Variants in SCN2A observed in about 807,000 individuals in gnomAD.
SCN2A encodes sodium voltage-gated channel alpha subunit 2.
In SCN2A, 20 loss-of-function variants were observed where a neutral mutation model predicts 188.7. That is an observed-to-expected ratio of 0.11 (90% CI 0.07 to 0.15). The LOEUF is 0.15. Ranked by LOEUF, SCN2A falls within the 10% of genes least tolerant of loss-of-function variation. SCN2A has a pLI of 1.00. For synonymous variants in SCN2A, 804 were observed against 833.1 expected (o/e 0.97, Z 0.60); for missense variants, 1,278 against 2,445.0 (o/e 0.52, Z 10.07).
intron 1 of SCN2A, among the ~76,000 whole-genome samples, chr2:165,278,575 T>TTAAGA (rs1290868879): frequency 6.6e-6 from 1 of 152,100 alleles, no homozygotes; most frequent in Non-Finnish European, 1.5e-5. Flanking sequence ...AGATTACCAT[T>TTAAGA]TAAGATGAGA....
intron 12 of SCN2A, among the ~76,000 whole-genome samples, 160 bp from the exon 13 acceptor site, chr2:165,326,692 A>G (rs1356233518): frequency 9.9e-5 from 15 of 152,190 alleles, no homozygotes; most frequent in Admixed American, 9.8e-4. Context: ...AGACTTTTAA[A>G]CAACCCCCAA....
intron 17 of SCN2A, among the ~76,000 whole-genome samples, chr2:165,359,296 A>G (rs948361578): frequency 6.6e-6 from 1 of 152,132 alleles, no homozygotes; most frequent in Non-Finnish European, 1.5e-5. Context: ...TTAATTCTTC[A>G]GAAAAGCATG....
intron 1 of SCN2A, among the ~76,000 whole-genome samples, chr2:165,252,061 A>G (rs1694120017): frequency 6.6e-6 from 1 of 152,106 alleles, no homozygotes; most frequent in African/African-American, 2.4e-5. Flanking sequence ...TGTGAAAGTA[A>G]TTAATATGCT....
chr2:165,251,000 A>G (rs1253828107), intron 1 of SCN2A, among the ~76,000 whole-genome samples: 1 of 152,128 alleles, frequency 6.6e-6, no homozygotes, highest in East Asian at 1.9e-4. Context: ...ATGATTTAAT[A>G]TAATATTAAA....
At chr2:165,309,805 A>AAATGAAAGAGC (rs1236279917) in intron 6 of SCN2A, among the ~76,000 whole-genome samples, 1 of 152,176 alleles carries the variant, frequency 6.6e-6, no homozygotes, top group Non-Finnish European at 1.5e-5. Context: ...AGCTGCAGAT[A>AAATGAAAGAGC]AATGAAAGAG....
intron 1 of SCN2A, among the ~76,000 whole-genome samples, chr2:165,240,259 T>A (rs916724245): frequency 2.6e-5 from 4 of 152,216 alleles, no homozygotes; most frequent in African/African-American, 7.2e-5. Flanking sequence ...GTGAGGAGTA[T>A]GCTGAACACA....
At chr2:165,255,407 A>G (rs1694269998) in intron 1 of SCN2A, among the ~76,000 whole-genome samples, 2 of 152,134 alleles carry the variant, frequency 1.3e-5, no homozygotes, top group South Asian at 4.1e-4. Flanking sequence ...CCAGTTTAAA[A>G]AAATGTACAT....
At chr2:165,262,834 C>T (rs1201188106) in intron 1 of SCN2A, among the ~76,000 whole-genome samples, 1 of 152,124 alleles carries the variant, frequency 6.6e-6, no homozygotes, top group Admixed American at 6.6e-5. Context: ...ACATTGTTTT[C>T]AGTAATGGTT....
At chr2:165,278,095 T>A (rs1237918917) in intron 1 of SCN2A, among the ~76,000 whole-genome samples, 1 of 152,204 alleles carries the variant, frequency 6.6e-6, no homozygotes, top group Non-Finnish European at 1.5e-5. Flanking sequence ...ACTGCTGTTG[T>A]CTTCTGGGTT....
At chr2:165,365,058 A>AG in intron 17 of SCN2A, 85 bp from the exon 18 acceptor site, 1 of 1,168,246 alleles carries the variant, frequency 8.6e-7, no homozygotes, top group Non-Finnish European at 1.2e-6. Context: ...CATACAGAAG[A>AG]TGGGGGGGGG....
In SCN2A at chr2:165,307,840, T is replaced by C. The variant is rs1697219522; in HGVS notation, c.387-8T>C. ...CATTGAACTTTGTCTTCCTTGACGA[T>C]ATTCTACTTTATTCAATATGCTCAT... On this transcript the variant is annotated splice_polypyrimidine_tract_variant and splice_region_variant and intron_variant, in intron 3 of 26. Coordinates refer to ENST00000375437, the MANE Select transcript of SCN2A (RefSeq NM_001040142.2). 6.3e-7 allele frequency: 1 copy of C among 1,589,714 alleles called. No homozygotes were observed. Among genetic ancestry groups the C allele is most frequent in the Admixed American group, 1.7e-5 (1 of 59,962 alleles).
chr2:165,366,797 A>G (rs1403120814), intron 18 of SCN2A, among the ~76,000 whole-genome samples: 4 of 152,086 alleles, frequency 2.6e-5, no homozygotes, highest in African/African-American at 9.7e-5. Context: ...TCTTTCACAA[A>G]TTTATTTACT....
intron 16 of SCN2A, among the ~76,000 whole-genome samples, chr2:165,352,916 T>G (rs1220355619): frequency 6.6e-6 from 1 of 152,174 alleles, no homozygotes; most frequent in Non-Finnish European, 1.5e-5. Flanking sequence ...CCTTTACTGC[T>G]ATATCTTTCT....
intron 1 of SCN2A, among the ~76,000 whole-genome samples, chr2:165,263,112 G>C (rs146363252): frequency 0.014 from 2,154 of 152,126 alleles, 47 homozygotes; most frequent in Admixed American, 0.075. Flanking sequence ...TGGCTGATTT[G>C]TTTGAGTTCA....
chr2:165,350,269 T>C (rs1699813999), intron 16 of SCN2A, among the ~76,000 whole-genome samples: 2 of 152,242 alleles, frequency 1.3e-5, no homozygotes, highest in South Asian at 4.1e-4. Flanking sequence ...AAGTTGGGAA[T>C]CAGGATGGAG....
chr2:165,379,725 T>C (rs940668741), intron 23 of SCN2A, among the ~76,000 whole-genome samples: 4 of 151,806 alleles, frequency 2.6e-5, no homozygotes, highest in Non-Finnish European at 5.9e-5. Flanking sequence ...TTTTGCTGTA[T>C]TTCCTTAGAA....
rs67417831 is a variant in SCN2A, at chr2:165,294,010, TA to T, written c.-51-1735del. 20,712 of 150,238 alleles carry T rather than the reference TA, an allele frequency of 0.14. 402 individuals carry two copies. Among genetic ancestry groups the T allele is most frequent in the Admixed American group, 0.18 (619 of 3,490 alleles). 9.3% of individuals were successfully genotyped at this position (150,238 alleles called of 1,614,324 possible). A position where few individuals can be genotyped will look rare whatever the true frequency, so the allele number is the denominator to read the frequency against. On this transcript the variant is annotated intron_variant, in intron 1 of 26. Transcript: ENST00000375437. Reference sequence around the variant, plus strand: ...TTAGGTGTGGTCTTTGAAGGAGAATTAAAAAAAAAAAAAAAAAAAAAAAAAA... The same window carrying T: ...TTAGGTGTGGTCTTTGAAGGAGAATTAAAAAAAAAAAAAAAAAAAAAAAAA...
In SCN2A at chr2:165,389,944, A is replaced by C. The variant is rs542783212; in HGVS notation, c.*120A>C. 6.1e-6 allele frequency: 9 copies of C among 1,486,762 alleles called. No homozygotes were observed. The highest frequency in any genetic ancestry group is 6.2e-6 in the Non-Finnish European group (7 of 1,120,442). 92.1% of individuals were successfully genotyped at this position (1,486,762 alleles called of 1,614,324 possible). ...CCAAACTGACTGTTTTTACAAATGT[A>C]TACTTAAGGTCAGTGCCTATAACAA... On this transcript the variant is annotated 3_prime_UTR_variant, in exon 27 of 27. Coordinates refer to ENST00000375437, the MANE Select transcript of SCN2A (RefSeq NM_001040142.2). This position sits in a 1 kb window ranked among gnomAD's most constrained non-coding sequence, Gnocchi z 4.2.
chr2:165,248,414 C>G (rs1423686756), intron 1 of SCN2A, among the ~76,000 whole-genome samples: 2 of 152,078 alleles, frequency 1.3e-5, no homozygotes. Flanking sequence ...TGGGCTGTTT[C>G]CTCTGCCTAG....
Sources: allele counts gnomAD v4.1 joint callset (sites outside exome capture counted in the v4.1 genomes callset), GRCh38; gene constraint gnomAD v4.1.1; non-coding constraint Gnocchi (gnomAD v3.1); transcripts MANE v1.5; gene names NCBI Gene and HGNC (gene_info 2026-07-23, HGNC 2026-07-21).